Variants in OPCML observed in about 807,000 individuals in gnomAD.
The protein encoded by OPCML is opioid-binding protein/cell adhesion molecule.
OPCML carries 13 observed loss-of-function variants against 37.8 expected under a neutral mutation model. The ratio of observed to expected loss-of-function variants is 0.34; its 90% CI spans 0.22 to 0.55. OPCML has a LOEUF of 0.55. Among genes scored for constraint, OPCML ranks in the 20% least tolerant of loss-of-function variants. The pLI is 0.91. For missense variants in OPCML, 341 were observed against 435.6 expected, an observed-to-expected ratio of 0.78 and a Z score of 1.93; for synonymous variants, 176 against 168.8, an observed-to-expected ratio of 1.04 and a Z score of -0.33.
chr11:133,003,273 A>AT (rs1947044131), intron 1 of OPCML, among the ~76,000 whole-genome samples: 1 of 152,190 alleles, frequency 6.6e-6, no homozygotes, highest in Admixed American at 6.5e-5. Flanking sequence ...CACTGAGCCC[A>AT]TATCAAGTGC....
intron 3 of OPCML, among the ~76,000 whole-genome samples, chr11:132,536,084 C>T (rs1252043830): frequency 6.6e-6 from 1 of 152,120 alleles, no homozygotes; most frequent in Non-Finnish European, 1.5e-5. Context: ...GCAAGGGGCA[C>T]CTGTTCTGTC....
At chr11:133,268,157 C>G (rs1306958153) in intron 1 of OPCML, among the ~76,000 whole-genome samples, 2 of 152,142 alleles carry the variant, frequency 1.3e-5, no homozygotes, top group Non-Finnish European at 2.9e-5. Context: ...GTGGACAGCC[C>G]TGGATATTCA....
chr11:133,356,059 T>C (rs1944282428), intron 1 of OPCML, among the ~76,000 whole-genome samples: 1 of 152,204 alleles, frequency 6.6e-6, no homozygotes, highest in Admixed American at 6.5e-5. Context: ...GGTTGAATTG[T>C]AGAACCAGGC....
chr11:133,425,487 C>T (rs1305744572), intron 1 of OPCML, among the ~76,000 whole-genome samples: 1 of 152,160 alleles, frequency 6.6e-6, no homozygotes, highest in Admixed American at 6.5e-5. Flanking sequence ...CTACAACAGC[C>T]CTGTTAGTTG....
chr11:133,457,341 G>C (rs1174226809), intron 1 of OPCML, among the ~76,000 whole-genome samples: 2 of 152,200 alleles, frequency 1.3e-5, no homozygotes, highest in African/African-American at 4.8e-5. Context: ...AGACTAGCCT[G>C]GGCAGCATAG....
chr11:132,838,413 A>G (rs1941136393), intron 2 of OPCML, among the ~76,000 whole-genome samples: 1 of 152,244 alleles, frequency 6.6e-6, no homozygotes, highest in South Asian at 2.1e-4. Flanking sequence ...AAGTAGTTCC[A>G]AAAGATGTAT....
At chr11:132,580,394 C>T (rs2096459852) in intron 3 of OPCML, among the ~76,000 whole-genome samples, 2 of 152,100 alleles carry the variant, frequency 1.3e-5, no homozygotes, top group South Asian at 2.1e-4. Flanking sequence ...ACAGCACTGT[C>T]AGAATAGATG....
At chr11:133,268,328 A>T (rs980045465) in intron 1 of OPCML, among the ~76,000 whole-genome samples, 6 of 152,262 alleles carry the variant, frequency 3.9e-5, no homozygotes, top group African/African-American at 1.4e-4. Context: ...TGAAAGGGAC[A>T]TTTCCATAAA....
intron 1 of OPCML, among the ~76,000 whole-genome samples, chr11:133,366,964 T>C (rs1944554497): frequency 6.6e-6 from 1 of 151,980 alleles, no homozygotes; most frequent in Admixed American, 6.6e-5. Flanking sequence ...CTTCTCCCCA[T>C]CCAATCATCG....
chr11:133,509,698 C>T (rs116977150), intron 1 of OPCML, among the ~76,000 whole-genome samples: 5,600 of 152,202 alleles, frequency 0.037, 165 homozygotes, highest in Middle Eastern at 0.078. Context: ...CCAAGCTGCC[C>T]GAGGTCATAC....
intron 2 of OPCML, among the ~76,000 whole-genome samples, chr11:132,889,381 G>T (rs1473327121): frequency 1.3e-5 from 2 of 152,166 alleles, no homozygotes; most frequent in Non-Finnish European, 2.9e-5. Context: ...CTGACCTCAT[G>T]GAGTGGAGAA....
intron 1 of OPCML, among the ~76,000 whole-genome samples, chr11:133,314,163 A>C (rs1452108092): frequency 7.5e-6 from 1 of 133,038 alleles, no homozygotes; most frequent in East Asian, 2.5e-4. Flanking sequence ...TGAACCCAGG[A>C]GTCGGAGCTT....
intron 1 of OPCML, among the ~76,000 whole-genome samples, chr11:133,511,701 C>CTT: frequency 6.8e-6 from 1 of 147,060 alleles, no homozygotes; most frequent in South Asian, 2.2e-4. Context: ...GCCTGATGTA[C>CTT]TTTTTTTTTT....
At chr11:132,757,824 G>T (rs1946109454) in intron 2 of OPCML, among the ~76,000 whole-genome samples, 1 of 152,130 alleles carries the variant, frequency 6.6e-6, no homozygotes, top group Admixed American at 6.5e-5. Flanking sequence ...TGTCAATTTT[G>T]ACTTTTGTTG....
chr11:133,301,755 G>C (rs1274432301), intron 1 of OPCML: 1 of 152,058 alleles, frequency 6.6e-6, no homozygotes, highest in African/African-American at 2.4e-5. Flanking sequence ...TATGTGTGGA[G>C]GGTGGGGAAA....
intron 1 of OPCML, among the ~76,000 whole-genome samples, chr11:132,970,586 C>A (rs565736601): frequency 6.6e-6 from 1 of 151,994 alleles, no homozygotes; most frequent in Non-Finnish European, 1.5e-5. Context: ...TATAATAAAA[C>A]TTTACTTTTT....
At chr11:132,819,281 G>C (rs1320117750) in intron 2 of OPCML, among the ~76,000 whole-genome samples, 1 of 151,490 alleles carries the variant, frequency 6.6e-6, no homozygotes, top group Non-Finnish European at 1.5e-5. Flanking sequence ...AAAAGATATT[G>C]AAGCAGACCA....
intron 1 of OPCML, among the ~76,000 whole-genome samples, chr11:133,400,777 C>T (rs1226428293): frequency 1.3e-5 from 2 of 152,164 alleles, no homozygotes; most frequent in African/African-American, 4.8e-5. Flanking sequence ...GATCATGATA[C>T]AGCCTAGCTC....
At chr11:133,384,697 G>A (rs1341998587) in intron 1 of OPCML, among the ~76,000 whole-genome samples, 1 of 152,234 alleles carries the variant, frequency 6.6e-6, no homozygotes, top group Non-Finnish European at 1.5e-5. Context: ...CAGGCTGAGA[G>A]CCTGGCTGGA....
Sources: allele counts gnomAD v4.1 joint callset (sites outside exome capture counted in the v4.1 genomes callset), GRCh38; gene constraint gnomAD v4.1.1; transcripts MANE v1.5; gene names NCBI Gene and HGNC (gene_info 2026-07-23, HGNC 2026-07-21).